The following FBXO7 variants were observed in gnomAD, a reference collection of about 807,000 sequenced individuals.
FBXO7 encodes F-box protein 7.
Under a neutral mutation model 50.2 loss-of-function variants are expected in FBXO7, and 31 were observed. That is an observed-to-expected ratio of 0.62 (90% CI 0.46 to 0.83). The LOEUF (loss-of-function observed/expected upper bound fraction) is 0.83. Ranked by LOEUF, FBXO7 falls within the 40% of genes least tolerant of loss-of-function variation. FBXO7 has a pLI of 0.00. For synonymous variants in FBXO7, 256 were observed against 253.1 expected (o/e 1.01, Z -0.11); for missense variants, 667 against 646.6 (o/e 1.03, Z -0.34).
intron 2 of FBXO7, among the ~76,000 whole-genome samples, chr22:32,479,835 T>C (rs969988491): frequency 1.3e-5 from 2 of 152,212 alleles, no homozygotes; most frequent in African/African-American, 2.4e-5. Context: ...TGACTTCTAT[T>C]ATTGTTCCTA....
Position 32,475,011 on chromosome 22 carries a change from G to A in FBXO7, c.9G>A (p.Leu3=). 1 of 1,538,300 alleles carries A rather than the reference G, an allele frequency of 6.5e-7. No individual in the cohort carries two copies. Residue 3 remains leucine (L), a synonymous_variant, in exon 1 of 9, where the codon CTG becomes CTA. Transcript: ENST00000266087. MR[L]RVRLLKRTWP... ...GGCCGCCTGCCGCCGTCATGAGGCT[G>A]CGGGTGCGGCTTCTGAAGCGGACCT...
At chr22:32,480,805 G>A (rs1271562619) in intron 2 of FBXO7, among the ~76,000 whole-genome samples, 1 of 151,754 alleles carries the variant, frequency 6.6e-6, no homozygotes, top group East Asian at 1.9e-4. Flanking sequence ...GAGTAGTTGG[G>A]ACCACAGACA....
chr22:32,475,353 C>G (rs766164590), intron 1 of FBXO7: 2 of 1,609,130 alleles, frequency 1.2e-6, no homozygotes, highest in African/African-American at 2.7e-5. Context: ...GGTCCGGCTC[C>G]TGGAGAACAT....
At chr22:32,491,501 A>G (rs2057535193) in intron 6 of FBXO7, 2 of 285,414 alleles carry the variant, frequency 7.0e-6, no homozygotes, top group Non-Finnish European at 1.3e-5. Flanking sequence ...GCATGAGGTC[A>G]GGTACATAAT....
Position 32,479,098 on chromosome 22 carries a change from T to C in FBXO7, c.240T>C (p.Asp80=), listed in dbSNP as rs1434894808. 20 of 1,614,216 alleles carry C rather than the reference T, an allele frequency of 1.2e-5. No homozygotes were observed. Among genetic ancestry groups the C allele is most frequent in the Non-Finnish European group, 1.6e-5 (19 of 1,180,040 alleles). ...SGDLICLILQ[D]DIPAPNIPSS... ...ACTTGATATGTTTGATTCTTCAAGA[T>C]GACATTCCAGCGCCTAATATACCTT... is the stretch of plus-strand genomic sequence containing the variant. The change falls in exon 2 of 9, where the codon GAT becomes GAC. Residue 80 remains aspartate, a synonymous_variant. Coordinates refer to ENST00000266087, the MANE Select transcript of FBXO7 (RefSeq NM_012179.4).
intron 8 of FBXO7, among the ~76,000 whole-genome samples, chr22:32,496,927 TG>T (rs1242394321): frequency 1.3e-5 from 2 of 152,140 alleles, no homozygotes; most frequent in Non-Finnish European, 2.9e-5. Context: ...TGAGGATTCA[TG>T]GGGGAGATAA....
intron 5 of FBXO7, 199 bp downstream of exon 5, chr22:32,488,027 C>T (rs369711713): frequency 1.5e-5 from 8 of 536,712 alleles, no homozygotes; most frequent in South Asian, 8.3e-5. Context: ...TTGTTTCTTT[C>T]CTGTTTTTCT....
At chr22:32,490,666 T>G (rs75629359) in intron 5 of FBXO7, 2,596 of 163,824 alleles carry the variant, frequency 0.016, 81 homozygotes, top group African/African-American at 0.058. Context: ...TGAAAAACGC[T>G]TGACACAGGT....
Position 32,493,085 on chromosome 22 carries a change from TTC to T in FBXO7, c.968-16_968-15del, listed in dbSNP as rs1555884345. 2.5e-6 allele frequency: 4 copies of T among 1,613,292 alleles called. No homozygotes were observed. The highest frequency in any genetic ancestry group is 1.3e-5 in the African/African-American group (1 of 75,016). On this transcript the variant is annotated intron_variant, in intron 6 of 8. Transcript: ENST00000266087. Reference sequence around the variant, plus strand: ...TTCTTTACTCAGTAATACCTGTTACTTCTCTTTTTTTCCTTTTAGCACTGAAC... The same window carrying T: ...TTCTTTACTCAGTAATACCTGTTACTTCTTTTTTTCCTTTTAGCACTGAAC...
chr22:32,475,618 G>T, intron 1 of FBXO7: 1 of 568,452 alleles, frequency 1.8e-6, no homozygotes, highest in Non-Finnish European at 3.0e-6. Context: ...CTCAATCCGA[G>T]GCCACCGGTA....
intron 3 of FBXO7, 110 bp from the exon 4 acceptor site, chr22:32,484,958 G>A: frequency 8.2e-7 from 1 of 1,226,480 alleles, no homozygotes; most frequent in Non-Finnish European, 1.2e-6. Context: ...TTATTAAGAG[G>A]ACTGTGTGGA....
At chr22:32,489,306 C>T (rs893585264) in intron 5 of FBXO7, 1 of 152,182 alleles carries the variant, frequency 6.6e-6, no homozygotes, top group Non-Finnish European at 1.5e-5. Flanking sequence ...CTTTTTAACC[C>T]GTCAAGGACC....
chr22:32,478,463 T>C (rs1018129249), intron 1 of FBXO7, among the ~76,000 whole-genome samples: 2 of 152,196 alleles, frequency 1.3e-5, no homozygotes, highest in South Asian at 2.1e-4. Flanking sequence ...CATGGATTAG[T>C]GATAGAGGAT....
intron 1 of FBXO7, among the ~76,000 whole-genome samples, chr22:32,476,204 T>TAA (rs892256528): frequency 6.7e-6 from 1 of 148,216 alleles, no homozygotes; most frequent in African/African-American, 2.5e-5. Flanking sequence ...TCTTCCTGAT[T>TAA]AAAAAAAAAA....
chr22:32,498,576 A>G lies in FBXO7; in HGVS notation c.*46A>G. The G allele has an allele frequency of 1.3e-6, 2 of 1,584,102 alleles. No individual in the cohort carries two copies. Among genetic ancestry groups the G allele is most frequent in the Non-Finnish European group, 1.7e-6 (2 of 1,168,320 alleles). ...TGGAGCTCCATTTGTTTTTGTTTCT[A>G]AACTACAGATGTCAACTCCTTGGGG... On this transcript the variant is annotated 3_prime_UTR_variant, in exon 9 of 9. Coordinates refer to ENST00000266087, the MANE Select transcript of FBXO7 (RefSeq NM_012179.4).
At position 32,498,435 on chromosome 22, in the gene FBXO7, A is replaced by C. The variant is rs1252951726; in HGVS notation, c.1474A>C (p.Asn492His). 31 of 1,614,190 alleles carry C rather than the reference A, an allele frequency of 1.9e-5. No homozygotes were observed. Among genetic ancestry groups the C allele is most frequent in the Non-Finnish European group, 2.5e-5 (29 of 1,180,024 alleles). Residue 492 changes from asparagine (N) to histidine (H), a missense_variant, in exon 9 of 9, where the codon AAC becomes CAC. Coordinates refer to ENST00000266087, the MANE Select transcript of FBXO7 (RefSeq NM_012179.4). The stretch of plus-strand genomic sequence containing the variant: ...TCCAGTTGGCCCACTTCCAGGACCT[A>C]ACCCCATCTTGCCAGGGCGAGGCGG... ...FDPVGPLPGP[N>H]PILPGRGGPN...
chr22:32,493,877 CA>C (rs909094963), intron 7 of FBXO7, among the ~76,000 whole-genome samples: 1 of 150,454 alleles, frequency 6.6e-6, no homozygotes, highest in Non-Finnish European at 1.5e-5. Context: ...GGTCATGTTA[CA>C]AAAAAACAAA....
At chr22:32,495,937 C>G (rs2057571564) in intron 8 of FBXO7, among the ~76,000 whole-genome samples, 1 of 152,188 alleles carries the variant, frequency 6.6e-6, no homozygotes, top group Non-Finnish European at 1.5e-5. Flanking sequence ...GATGGAAAAG[C>G]TGCTGCAAGT....
chr22:32,493,036 T>C (rs756352651), intron 6 of FBXO7, 69 bp from the exon 7 acceptor site: 4 of 1,478,916 alleles, frequency 2.7e-6, no homozygotes, highest in Non-Finnish European at 2.8e-6. Context: ...GCAACTTTGT[T>C]GACTATGTGG....
Sources: allele counts gnomAD v4.1 joint callset (sites outside exome capture counted in the v4.1 genomes callset), GRCh38; gene constraint gnomAD v4.1.1; transcripts MANE v1.5; gene names NCBI Gene and HGNC (gene_info 2026-07-23, HGNC 2026-07-21).